Variants in PDE2A observed in about 807,000 individuals in gnomAD.
The protein encoded by PDE2A is cGMP-dependent 3',5'-cyclic phosphodiesterase.
Under a neutral mutation model 133.6 loss-of-function variants are expected in PDE2A, and 53 were observed. The ratio of observed to expected loss-of-function variants is 0.40; its 90% CI spans 0.32 to 0.50. The LOEUF (loss-of-function observed/expected upper bound fraction) is 0.50. Among genes scored for constraint, PDE2A ranks in the 20% least tolerant of loss-of-function variants. The pLI, the probability that PDE2A is intolerant of heterozygous loss-of-function variation, is 0.73. For synonymous variants in PDE2A, 491 were observed against 490.2 expected (o/e 1.00, Z -0.02); for missense variants, 796 against 1,232.4 (o/e 0.65, Z 5.30).
chr11:72,608,860 C>G, intron 2 of PDE2A, 109 bp from the exon 3 acceptor site: 1 of 656,544 alleles, frequency 1.5e-6, no homozygotes, highest in South Asian at 1.7e-5. Context: ...GAGCCCGAGT[C>G]TTTCAGGCAC....
intron 4 of PDE2A, among the ~76,000 whole-genome samples, chr11:72,600,976 T>C (rs1367463289): frequency 6.6e-6 from 1 of 151,638 alleles, no homozygotes; most frequent in East Asian, 2.0e-4. Context: ...TGGAAAGAGC[T>C]GGGTCCCCTG....
chr11:72,603,235 C>T (rs1856833936), intron 4 of PDE2A, among the ~76,000 whole-genome samples: 1 of 152,210 alleles, frequency 6.6e-6, no homozygotes, highest in African/African-American at 2.4e-5. Context: ...CACTCACCTC[C>T]CCATCTCCAC....
intron 2 of PDE2A, among the ~76,000 whole-genome samples, chr11:72,619,995 C>A (rs1481375743): frequency 1.3e-5 from 2 of 152,068 alleles, no homozygotes; most frequent in Non-Finnish European, 2.9e-5. Flanking sequence ...AAAGGAGGGA[C>A]CCCAATTCTC....
At position 72,616,083 on chromosome 11, in the gene PDE2A, A is replaced by G. The variant is rs180782901; in HGVS notation, c.145-7332T>C. On this transcript the variant is annotated intron_variant, in intron 2 of 30. Coordinates refer to ENST00000334456, the MANE Select transcript of PDE2A (RefSeq NM_002599.5). Reference sequence around the variant, plus strand: ...GCAAGTCCAGGAGCCTCCAAGAGGCAGGCATGGTGGCTCAAGCAGGAGAGG... The same window carrying G: ...GCAAGTCCAGGAGCCTCCAAGAGGCGGGCATGGTGGCTCAAGCAGGAGAGG... 3.3e-5 allele frequency among the ~76,000 whole-genome samples: 5 copies of G among 152,318 alleles called. No individual in the cohort carries two copies. In the East Asian group the frequency reaches 9.7e-4, roughly 29 times the overall value.
At chr11:72,579,777 C>T (rs1855637051) in intron 25 of PDE2A, 169 bp from the exon 26 acceptor site, 3 of 601,240 alleles carry the variant, frequency 5.0e-6, no homozygotes, top group Non-Finnish European at 8.9e-6. Flanking sequence ...TGTTTCAACC[C>T]TCTGTGTGAC....
intron 1 of PDE2A, among the ~76,000 whole-genome samples, chr11:72,655,139 C>A (rs973458328): frequency 1.3e-5 from 2 of 152,222 alleles, no homozygotes; most frequent in African/African-American, 4.8e-5. Flanking sequence ...GCACACCAGC[C>A]TCGCCCCACA....
chr11:72,614,042 G>A (rs556953302), intron 2 of PDE2A, among the ~76,000 whole-genome samples: 4 of 152,308 alleles, frequency 2.6e-5, no homozygotes, highest in South Asian at 4.1e-4. Context: ...GCTGAGCCTC[G>A]GCCCCTGGCC....
intron 4 of PDE2A, among the ~76,000 whole-genome samples, chr11:72,601,526 G>A (rs1856752472): frequency 6.6e-6 from 1 of 152,028 alleles, no homozygotes; most frequent in African/African-American, 2.4e-5. Context: ...TTAGGGATGG[G>A]CCCTGGGGAC....
At chr11:72,668,411 A>C in intron 1 of PDE2A, 1 of 718,402 alleles carries the variant, frequency 1.4e-6, no homozygotes. Context: ...AACAGTGCTC[A>C]GGAAGCTGTA....
chr11:72,593,970 C>T (rs543832761), intron 6 of PDE2A, among the ~76,000 whole-genome samples: 1 of 152,274 alleles, frequency 6.6e-6, no homozygotes, highest in South Asian at 2.1e-4. Context: ...GCACTCTATT[C>T]TCCAGGCCAG....
At chr11:72,617,925 A>G (rs762020213) in intron 2 of PDE2A, among the ~76,000 whole-genome samples, 4 of 152,086 alleles carry the variant, frequency 2.6e-5, no homozygotes, top group Non-Finnish European at 5.9e-5. Flanking sequence ...GGGATAAGCA[A>G]TCTTCTGAGT....
intron 2 of PDE2A, among the ~76,000 whole-genome samples, chr11:72,612,756 C>T (rs1005827644): frequency 6.6e-6 from 1 of 151,912 alleles, no homozygotes; most frequent in Non-Finnish European, 1.5e-5. Flanking sequence ...TAGATGGAGC[C>T]TTTCTGCTCT....
intron 27 of PDE2A, 134 bp downstream of exon 27, chr11:72,579,150 C>T: frequency 1.1e-6 from 1 of 946,280 alleles, no homozygotes; most frequent in Non-Finnish European, 1.7e-6. Context: ...CTGGGTCTGC[C>T]TGGGGGGGGC....
rs1856202778 is a variant in PDE2A, at chr11:72,590,640, C to A, written c.550-60G>T. 3.8e-6 allele frequency: 5 copies of A among 1,317,810 alleles called. No individual in the cohort carries two copies. In the South Asian group the frequency reaches 6.2e-5, roughly 16 times the overall value. The allele number at this position is 1,317,810 out of a possible 1,614,324, so 81.6% of individuals were successfully genotyped here. A position where few individuals can be genotyped will look rare whatever the true frequency, so the allele number is the denominator to read the frequency against. ...CCCAAGCTCGCTGCGCTTGCTGCAGCGGGATTCCTGCCTTTGCTCCCGCCG... is the reference window on the plus strand; with the variant it reads ...CCCAAGCTCGCTGCGCTTGCTGCAGAGGGATTCCTGCCTTTGCTCCCGCCG... On this transcript the variant is annotated intron_variant, in intron 7 of 30. Transcript: ENST00000334456. This position sits in a 1 kb window ranked among gnomAD's most constrained non-coding sequence, Gnocchi z 4.8.
Position 72,614,800 on chromosome 11 carries a change from C to T in PDE2A, c.145-6049G>A, listed in dbSNP as rs147575619. Reference sequence around the variant, plus strand: ...CAGGTGAGAACAGCCAATGAGGGGACGCCCCAGGGAAGGTCCCAATGGAGG... The same window carrying T: ...CAGGTGAGAACAGCCAATGAGGGGATGCCCCAGGGAAGGTCCCAATGGAGG... On this transcript the variant is annotated intron_variant, in intron 2 of 30. Coordinates refer to ENST00000334456, the MANE Select transcript of PDE2A (RefSeq NM_002599.5). 5.0e-4 allele frequency among the ~76,000 whole-genome samples: 76 copies of T among 152,158 alleles called. No homozygotes were observed. In the East Asian group the frequency reaches 0.012, roughly 24 times the overall value.
intron 2 of PDE2A, among the ~76,000 whole-genome samples, chr11:72,628,569 T>C (rs2135411395): frequency 6.6e-6 from 1 of 152,300 alleles, no homozygotes; most frequent in African/African-American, 2.4e-5. Context: ...GACCTTGTGA[T>C]CCACCTGCCT....
In PDE2A at chr11:72,597,456, G is replaced by T. The variant is rs568379222; in HGVS notation, c.433+54C>A. 9.9e-7 allele frequency: 1 copy of T among 1,014,204 alleles called. No homozygotes were observed. The allele number at this position is 1,014,204 out of a possible 1,614,324, so 62.8% of individuals were successfully genotyped here. On this transcript the variant is annotated intron_variant, in intron 5 of 30. Coordinates refer to ENST00000334456, the MANE Select transcript of PDE2A (RefSeq NM_002599.5). The surrounding 1 kb of genome is among the most constrained non-coding windows in gnomAD (Gnocchi z 4.6). ...GACACACATGACCTGGAGTGCAGGG[G>T]CCACAGTCCCTCCCTGCCCCTGCCC...
At chr11:72,644,883 A>C (rs1015857595) in intron 1 of PDE2A, among the ~76,000 whole-genome samples, 1 of 152,160 alleles carries the variant, frequency 6.6e-6, no homozygotes, top group African/African-American at 2.4e-5. Context: ...CAGCCTCCCG[A>C]GTAGATGGGA....
chr11:72,582,151 C>T, intron 21 of PDE2A: 1 of 610,798 alleles, frequency 1.6e-6, no homozygotes, highest in Non-Finnish European at 2.9e-6. Context: ...TGAAACCAAG[C>T]CCACACAAAA....
Sources: gnomAD v4.1 joint callset for allele counts (sites outside exome capture counted in the v4.1 genomes callset) on GRCh38, gnomAD v4.1.1 for gene constraint, Gnocchi (gnomAD v3.1) non-coding constraint, MANE v1.5 for transcripts, NCBI Gene and HGNC (gene_info 2026-07-23, HGNC 2026-07-21) for gene names.